DCDC1: variants seen among roughly 807,000 people sequenced by gnomAD.
DCDC1 encodes doublecortin domain-containing protein 1.
In DCDC1, 200 loss-of-function variants were observed where a neutral mutation model predicts 178.3. That is an observed-to-expected ratio of 1.12 (90% CI 1.00 to 1.26). The LOEUF is 1.26. Ranked by LOEUF, DCDC1 falls within the 50% of genes most tolerant of loss-of-function variation. The pLI is 0.00. For synonymous variants in DCDC1, 690 were observed against 604.8 expected, an observed-to-expected ratio of 1.14 and a Z score of -2.07; for missense variants, 1,983 against 1,749.2, an observed-to-expected ratio of 1.13 and a Z score of -2.38.
In DCDC1 at chr11:31,030,031, T is replaced by G. The variant is rs190748289; in HGVS notation, c.2591+34438A>C. On this transcript the variant is annotated intron_variant, in intron 20 of 38. Coordinates refer to ENST00000684477, the MANE Select transcript of DCDC1 (RefSeq NM_001387274.1). ...TGTAAGATCATCAAAATTCTTCAAT[T>G]TTTACTTCAATTTGAAATAAAATGA... Among the ~76,000 whole-genome samples the G allele has an allele frequency of 7.9e-4, 121 of 152,212 alleles. 2 individuals carry two copies. The highest frequency in any genetic ancestry group is 7.8e-3 in the Admixed American group (119 of 15,294).
intron 7 of DCDC1, among the ~76,000 whole-genome samples, chr11:31,272,380 A>C (rs1402399993): frequency 6.6e-6 from 1 of 152,202 alleles, no homozygotes; most frequent in Non-Finnish European, 1.5e-5. Context: ...TCACATTTTG[A>C]AACCAATCAT....
intron 9 of DCDC1, among the ~76,000 whole-genome samples, chr11:31,228,845 T>C (rs1048333167): frequency 3.3e-5 from 5 of 152,020 alleles, no homozygotes; most frequent in African/African-American, 4.8e-5. Flanking sequence ...AAAATAATTA[T>C]GTAACATAAA....
At chr11:31,212,381 TA>T (rs1355292488) in intron 9 of DCDC1, among the ~76,000 whole-genome samples, 2 of 152,030 alleles carry the variant, frequency 1.3e-5, no homozygotes, top group Admixed American at 6.6e-5. Flanking sequence ...CAAAACACAC[TA>T]AAAAATGTAT....
chr11:30,918,840 C>CT (rs915022229), intron 25 of DCDC1, among the ~76,000 whole-genome samples: 3 of 152,102 alleles, frequency 2.0e-5, no homozygotes, highest in South Asian at 2.1e-4. Flanking sequence ...TTCCAAAAAT[C>CT]TTTTTTTCCT....
intron 8 of DCDC1, among the ~76,000 whole-genome samples, chr11:31,242,500 T>A (rs945721850): frequency 6.6e-6 from 1 of 151,978 alleles, no homozygotes; most frequent in Non-Finnish European, 1.5e-5. Flanking sequence ...TATTTTTCTT[T>A]ACTTGGTCAT....
chr11:31,331,326 A>G (rs1168225752), intron 2 of DCDC1, among the ~76,000 whole-genome samples: 1 of 152,210 alleles, frequency 6.6e-6, no homozygotes. Context: ...GTCATCTGCA[A>G]ACAGGGACAA....
At chr11:31,168,284 C>T (rs1966857189) in intron 9 of DCDC1, among the ~76,000 whole-genome samples, 1 of 152,192 alleles carries the variant, frequency 6.6e-6, no homozygotes, top group African/African-American at 2.4e-5. Flanking sequence ...AAAACAAGCA[C>T]AATAGCCTAG....
intron 7 of DCDC1, among the ~76,000 whole-genome samples, chr11:31,289,950 T>C (rs183986018): frequency 6.6e-5 from 10 of 152,158 alleles, no homozygotes; most frequent in Admixed American, 5.9e-4. Context: ...ATATTATTAT[T>C]AGGTTGCTTT....
At chr11:31,294,797 A>AG (rs1491254875) in intron 6 of DCDC1, among the ~76,000 whole-genome samples, 5 of 131,600 alleles carry the variant, frequency 3.8e-5, no homozygotes, top group African/African-American at 8.6e-5. Flanking sequence ...AAAAATAAAG[A>AG]AAAAGAAAGA....
chr11:31,048,898 C>A (rs1955058343), intron 20 of DCDC1, among the ~76,000 whole-genome samples: 1 of 152,010 alleles, frequency 6.6e-6, no homozygotes, highest in African/African-American at 2.4e-5. Flanking sequence ...AAAATAGATA[C>A]ACTGATGGGC....
intron 20 of DCDC1, among the ~76,000 whole-genome samples, chr11:31,026,239 C>G (rs1202798551): frequency 2.0e-5 from 3 of 151,710 alleles, no homozygotes; most frequent in Non-Finnish European, 3.0e-5. Context: ...ATAGGACTTA[C>G]AACATTACTG....
At chr11:31,271,619 A>T (rs1258099592) in intron 7 of DCDC1, among the ~76,000 whole-genome samples, 1 of 152,204 alleles carries the variant, frequency 6.6e-6, no homozygotes. Context: ...TACTCTATTG[A>T]CAAATTCAAA....
At chr11:31,191,333 A>G (rs1339530201) in intron 9 of DCDC1, among the ~76,000 whole-genome samples, 1 of 152,076 alleles carries the variant, frequency 6.6e-6, no homozygotes, top group East Asian at 1.9e-4. Context: ...TTTCTGGTCT[A>G]TCATTTGTCT....
chr11:31,314,675 T>G (rs1229298051), intron 3 of DCDC1: 1 of 152,246 alleles, frequency 6.6e-6, no homozygotes, highest in African/African-American at 2.4e-5. Context: ...GCTTTCTAAG[T>G]TATCAATCTA....
At chr11:31,073,111 T>C (rs534530045) in intron 18 of DCDC1, among the ~76,000 whole-genome samples, 1 of 152,296 alleles carries the variant, frequency 6.6e-6, no homozygotes, top group East Asian at 1.9e-4. Context: ...TAATCAAAAT[T>C]TCTAAACCTC....
chr11:31,264,797 C>T (rs1438080600), intron 8 of DCDC1, among the ~76,000 whole-genome samples: 3 of 152,104 alleles, frequency 2.0e-5, no homozygotes, highest in Admixed American at 6.6e-5. Flanking sequence ...CAATGATGTG[C>T]CGGAGCCAAC....
chr11:31,087,938 T>C (rs1565266456), intron 17 of DCDC1, among the ~76,000 whole-genome samples: 1 of 152,130 alleles, frequency 6.6e-6, no homozygotes, highest in Non-Finnish European at 1.5e-5. Flanking sequence ...ACTAGAGTTT[T>C]AGATGTTTCT....
chr11:31,262,165 G>A (rs578134357), intron 8 of DCDC1, among the ~76,000 whole-genome samples: 1 of 152,200 alleles, frequency 6.6e-6, no homozygotes, highest in Non-Finnish European at 1.5e-5. Flanking sequence ...TACTGGAGAG[G>A]CTGAGGTGGG....
intron 9 of DCDC1, among the ~76,000 whole-genome samples, chr11:31,232,944 C>T (rs941926155): frequency 1.3e-4 from 20 of 152,070 alleles, no homozygotes; most frequent in African/African-American, 4.6e-4. Context: ...AAAAATTAGC[C>T]GGGCATGGTG....
Sources: allele counts gnomAD v4.1 joint callset (sites outside exome capture counted in the v4.1 genomes callset), GRCh38; gene constraint gnomAD v4.1.1; transcripts MANE v1.5; gene names NCBI Gene and HGNC (gene_info 2026-07-23, HGNC 2026-07-21).